Variants in SIM1 observed in about 807,000 individuals in gnomAD.
SIM1 encodes the protein single-minded homolog 1.
Under a neutral mutation model 78.2 loss-of-function variants are expected in SIM1, and 18 were observed. The ratio of observed to expected loss-of-function variants is 0.23; its 90% CI spans 0.16 to 0.34. SIM1 has a LOEUF of 0.34. SIM1 is among the 10% of genes least tolerant of loss of function. The pLI is 1.00. For missense variants in SIM1, 939 were observed against 975.1 expected, an observed-to-expected ratio of 0.96 and a Z score of 0.49; for synonymous variants, 417 against 385.2, an observed-to-expected ratio of 1.08 and a Z score of -0.97.
chr6:100,442,080 G>C (rs9390381), intron 9 of SIM1, among the ~76,000 whole-genome samples: 1 of 152,110 alleles, frequency 6.6e-6, no homozygotes, highest in Non-Finnish European at 1.5e-5. Flanking sequence ...AGCAATCTCC[G>C]ACCCAACCAC....
At position 100,387,944 on chromosome 6, in the gene SIM1, C is replaced by A. The variant is rs1041140065; in HGVS notation, c.*2417G>T. On this transcript the variant is annotated 3_prime_UTR_variant, in exon 12 of 12. Transcript: ENST00000369208. ...GTAGAATATATAGCCACCAGAAATA[C>A]CCATCTGTGAAAATTACCTTTCCAA... The A allele has an allele frequency of 2.0e-4, 31 of 152,076 alleles. No homozygotes were observed. Among genetic ancestry groups the A allele is most frequent in the African/African-American group, 7.2e-4 (30 of 41,438 alleles). 9.4% of individuals were successfully genotyped at this position (152,076 alleles called of 1,614,324 possible).
At position 100,463,284 on chromosome 6, in the gene SIM1, A is replaced by G. The variant is rs1165688652; in HGVS notation, c.175+10T>C. ...TGCCTTTGAAATTCCATCTGGGCAAAGTCACTTACCTTCTGGGAACACCAC... is the reference window on the plus strand; with the variant it reads ...TGCCTTTGAAATTCCATCTGGGCAAGGTCACTTACCTTCTGGGAACACCAC... On this transcript the variant is annotated intron_variant, in intron 2 of 11. Coordinates refer to ENST00000369208, the MANE Select transcript of SIM1 (RefSeq NM_005068.3). 6.3e-7 allele frequency: 1 copy of G among 1,596,220 alleles called. No individual in the cohort carries two copies. Among genetic ancestry groups the G allele is most frequent in the Non-Finnish European group, 8.6e-7 (1 of 1,165,974 alleles).
intron 2 of SIM1, among the ~76,000 whole-genome samples, chr6:100,462,437 A>C (rs1403982557): frequency 1.3e-5 from 2 of 152,260 alleles, no homozygotes; most frequent in Non-Finnish European, 2.9e-5. Context: ...AAATGGTTGT[A>C]TATAGGACAG....
intron 2 of SIM1, chr6:100,462,464 C>T (rs1772879777): frequency 6.6e-6 from 1 of 152,222 alleles, no homozygotes; most frequent in South Asian, 2.1e-4. Context: ...ATGAAAGCTG[C>T]TCTGTCCTCA....
At chr6:100,393,437 T>C in intron 11 of SIM1, 50 bp downstream of exon 11, 2 of 1,447,934 alleles carry the variant, frequency 1.4e-6, no homozygotes, top group East Asian at 2.4e-5. Flanking sequence ...GTGATGAACC[T>C]GCCCAGGGCC....
At chr6:100,452,157 G>T (rs549930967) in intron 3 of SIM1, among the ~76,000 whole-genome samples, 2 of 152,242 alleles carry the variant, frequency 1.3e-5, no homozygotes, top group South Asian at 4.1e-4. Flanking sequence ...GAGGGAAGGA[G>T]AGAATGTTAA....
Position 100,389,612 on chromosome 6 carries a change from G to T in SIM1, c.*749C>A, listed in dbSNP as rs929809324. Reference sequence around the variant, plus strand: ...TTCCAATTGAGCACTCCAGGTTTTTGATGTGTGTCCCAATATCTCAGTGTT... The same window carrying T: ...TTCCAATTGAGCACTCCAGGTTTTTTATGTGTGTCCCAATATCTCAGTGTT... On this transcript the variant is annotated 3_prime_UTR_variant, in exon 12 of 12. Transcript: ENST00000369208. 7 of 398,782 alleles carry T rather than the reference G, an allele frequency of 1.8e-5. No individual in the cohort carries two copies. Among genetic ancestry groups the T allele is most frequent in the African/African-American group, 1.2e-4 (6 of 48,616 alleles). 24.7% of individuals were successfully genotyped at this position (398,782 alleles called of 1,614,324 possible). A position where few individuals can be genotyped will look rare whatever the true frequency, so the allele number is the denominator to read the frequency against.
At chr6:100,453,600 T>C (rs973886081) in intron 3 of SIM1, among the ~76,000 whole-genome samples, 162 bp downstream of exon 3, 4 of 152,084 alleles carry the variant, frequency 2.6e-5, no homozygotes, top group Non-Finnish European at 4.4e-5. Context: ...GCAGCAGCTA[T>C]TGGGCTCTGA....
At chr6:100,412,655 AAGAGAGAGAGAGAGAGAG>A (rs370580427) in intron 10 of SIM1, among the ~76,000 whole-genome samples, 3 of 96,634 alleles carry the variant, frequency 3.1e-5, no homozygotes, top group African/African-American at 1.1e-4. Context: ...GAAAGAAAGA[AAGAGAGAGAGAGAGAGAG>A]AAAGAAAGAA....
intron 9 of SIM1, among the ~76,000 whole-genome samples, chr6:100,426,920 T>C (rs1362749302): frequency 4.6e-5 from 7 of 152,192 alleles, no homozygotes; most frequent in African/African-American, 1.4e-4. Flanking sequence ...CAGCTGAAGG[T>C]GATCAAATTA....
At position 100,385,863 on chromosome 6, in the gene SIM1, G is replaced by A. The variant is rs891510391; in HGVS notation, c.*4498C>T. The A allele has an allele frequency of 6.6e-6, 1 of 151,900 alleles. No individual in the cohort carries two copies. Among genetic ancestry groups the A allele is most frequent in the African/African-American group, 2.4e-5 (1 of 41,402 alleles). The allele number at this position is 151,900 out of a possible 1,614,324, so 9.4% of individuals were successfully genotyped here. On this transcript the variant is annotated 3_prime_UTR_variant, in exon 12 of 12. Coordinates refer to ENST00000369208, the MANE Select transcript of SIM1 (RefSeq NM_005068.3). The stretch of plus-strand genomic sequence containing the variant: ...CAATGACCACACTCTCACTTTTTGA[G>A]TTAAGCACTATCTGTACAACCCTTA...
Position 100,448,615 on chromosome 6 carries a change from C to A in SIM1, c.607G>T (p.Gly203Cys), listed in dbSNP as rs755172740. 93 of 1,613,850 alleles carry A rather than the reference C, an allele frequency of 5.8e-5. No homozygotes were observed. In the East Asian group the frequency reaches 9.1e-4, roughly 16 times the overall value. The change falls in exon 7 of 12, where the codon GGC becomes TGC. Residue 203 changes from glycine to cysteine, a missense_variant. Around this residue, in one of 5 missense-constraint regions of SIM1, gnomAD observed 187 missense variants for 191.6 expected, o/e 0.98. Transcript: ENST00000369208. ...ACCAGGCCCACGTTTTGGTAGCAGC[C>A]GTCGAAGGGGGACATGTCCAGGCTG... is the stretch of plus-strand genomic sequence containing the variant. ...QYSLDMSPFD[G>C]CYQNVGLVAV...
chr6:100,454,844 A>T (rs1477006206), intron 2 of SIM1, among the ~76,000 whole-genome samples: 1 of 152,218 alleles, frequency 6.6e-6, no homozygotes, highest in Admixed American at 6.5e-5. Flanking sequence ...AGGCAAAAAA[A>T]CTTTCGAAGA....
chr6:100,418,387 T>TAAATAAATAAATAAAA (rs1283450501), intron 10 of SIM1, among the ~76,000 whole-genome samples: 1 of 148,384 alleles, frequency 6.7e-6, no homozygotes, highest in African/African-American at 2.5e-5. Flanking sequence ...AATAAATAAA[T>TAAATAAATAAATAAAA]AAAATAAAAA....
intron 2 of SIM1, among the ~76,000 whole-genome samples, chr6:100,460,031 A>C (rs1772799628): frequency 6.6e-6 from 1 of 152,238 alleles, no homozygotes; most frequent in South Asian, 2.1e-4. Flanking sequence ...ATTGGCAGAT[A>C]TGAAGTGTTA....
intron 10 of SIM1, among the ~76,000 whole-genome samples, chr6:100,409,345 T>C (rs1374075322): frequency 6.6e-6 from 1 of 152,012 alleles, no homozygotes; most frequent in Admixed American, 6.6e-5. Flanking sequence ...TTCATAGGGG[T>C]CTCTTATAAT....
At position 100,390,926 on chromosome 6, in the gene SIM1, T is replaced by A; in HGVS notation, c.1736A>T (p.Glu579Val). Reference sequence around the variant, plus strand: ...GGCTTTCCTTAGCTGTAATCTGTTCTCTTCTTCTTTAATCATTTGCTGAGT... The same window carrying A: ...GGCTTTCCTTAGCTGTAATCTGTTCACTTCTTCTTTAATCATTTGCTGAGT... ...RATQQMIKEE[E>V]NRLQLRKAPS... The change falls in exon 12 of 12, where the codon GAG becomes GTG. Residue 579 changes from glutamate (E) to valine (V), a missense_variant. Physicochemically the swap from Glu to Val is moderately radical, Grantham distance 121 (BLOSUM62 -2). This residue lies in a region of SIM1 where 556 missense variants were observed against 521.9 expected (regional missense o/e 1.07). Coordinates refer to ENST00000369208, the MANE Select transcript of SIM1 (RefSeq NM_005068.3). 6.2e-7 allele frequency: 1 copy of A among 1,614,156 alleles called. No individual in the cohort carries two copies. The highest frequency in any genetic ancestry group is 1.3e-5 in the African/African-American group (1 of 75,046).
chr6:100,458,015 TC>T (rs1772722577), intron 2 of SIM1, among the ~76,000 whole-genome samples: 8 of 10,964 alleles, frequency 7.3e-4, no homozygotes, highest in South Asian at 2.1e-3. Context: ...TTTCTCTCTC[TC>T]TCTCTCTCTC....
chr6:100,436,529 A>T (rs771207524), intron 9 of SIM1, among the ~76,000 whole-genome samples: 1 of 152,120 alleles, frequency 6.6e-6, no homozygotes, highest in Non-Finnish European at 1.5e-5. Flanking sequence ...GCAAGACAAA[A>T]ATTATTTTAT....
Sources: allele counts gnomAD v4.1 joint callset (sites outside exome capture counted in the v4.1 genomes callset), GRCh38; gene constraint gnomAD v4.1.1; regional missense constraint gnomAD v4.1.1; transcripts MANE v1.5; gene names NCBI Gene and HGNC (gene_info 2026-07-23, HGNC 2026-07-21).